Variants in ARSG observed in about 807,000 individuals in gnomAD.
ARSG encodes the protein ASG.
Under a neutral mutation model 50.5 loss-of-function variants are expected in ARSG, and 37 were observed. The observed-to-expected ratio is 0.73, with a 90% confidence interval of 0.56 to 0.96. The LOEUF is 0.96. ARSG is among the 50% of genes least tolerant of loss of function. The pLI is 0.00. For missense variants in ARSG, 629 were observed against 675.3 expected, an observed-to-expected ratio of 0.93 and a Z score of 0.76; for synonymous variants, 225 against 254.6, an observed-to-expected ratio of 0.88 and a Z score of 1.11.
rs1599485710 is a variant in ARSG at position 68,269,700 on chromosome 17, T to C, written c.-552+10274T>C. Among the ~76,000 whole-genome samples, 4 of 148,808 alleles carry C rather than the reference T, an allele frequency of 2.7e-5. 1 individual carries two copies. Among genetic ancestry groups the C allele is most frequent in the African/African-American group, 1.0e-4 (4 of 39,620 alleles). On this transcript the variant is annotated intron_variant, in intron 1 of 11. Transcript: ENST00000448504. ...TTTTTTTTTTTTTTTTTAGACAGAG[T>C]TTTATTCTTGTTGCCCCAGGTGGAG...
intron 2 of ARSG, among the ~76,000 whole-genome samples, chr17:68,316,406 C>G (rs950857004): frequency 7.9e-5 from 12 of 152,232 alleles, no homozygotes; most frequent in Non-Finnish European, 7.3e-5. Context: ...TGCCTCCTTA[C>G]AGCAGCCTCC....
the ARSG span, chr17:68,428,803 TGTCTTTTGAAAAGCA>T: frequency 8.1e-5 from 127 of 1,566,872 alleles, no homozygotes; most frequent in South Asian, 1.2e-3. Context: ...CTCGAAAGGC[TGTCTTTTGAAAAGCA>T]GTCTCTTCAC....
chr17:68,329,656 A>T (rs1212183699), intron 2 of ARSG, among the ~76,000 whole-genome samples: 1 of 152,194 alleles, frequency 6.6e-6, no homozygotes, highest in Non-Finnish European at 1.5e-5. Flanking sequence ...GCTGACTTCG[A>T]ATTTGCTTTG....
At chr17:68,290,739 G>A (rs1291549807), upstream of ARSG, among the ~76,000 whole-genome samples, 3 of 152,228 alleles carry the variant, frequency 2.0e-5, no homozygotes, top group Non-Finnish European at 4.4e-5. Context: ...GAGGGGCTGA[G>A]CCTGGAGCCC....
chr17:68,308,463 G>A (rs1486313332), intron 2 of ARSG, among the ~76,000 whole-genome samples: 5 of 152,076 alleles, frequency 3.3e-5, no homozygotes, highest in Non-Finnish European at 7.4e-5. Flanking sequence ...CGTTCCTCCC[G>A]GTGGGCTCGT....
chr17:68,392,060 T>G lies in ARSG; in HGVS notation c.1092-3013T>G, dbSNP rs145487315. ...CCCTCAGATATCAGATTGGGGAAAG[T>G]GGGGATTTGTGGCCCTGGAGGCTTC... On this transcript the variant is annotated intron_variant, in intron 9 of 11. Coordinates refer to ENST00000621439, the MANE Select transcript of ARSG (RefSeq NM_001267727.2). Among the ~76,000 whole-genome samples, 14 of 152,226 alleles carry G rather than the reference T, an allele frequency of 9.2e-5. No homozygotes were observed. The East Asian group carries it at 2.1e-3, about 23-fold the overall frequency.
chr17:68,395,445 G>A (rs149107335), intron 10 of ARSG, among the ~76,000 whole-genome samples: 363 of 152,324 alleles, frequency 2.4e-3, no homozygotes, highest in African/African-American at 8.3e-3. Context: ...AAAATTAGCT[G>A]AGCATGGTGG....
chr17:68,285,173 A>G (rs1448916018), intron 1 of ARSG, among the ~76,000 whole-genome samples: 2 of 152,248 alleles, frequency 1.3e-5, no homozygotes, highest in African/African-American at 4.8e-5. Context: ...ATTTCTGACA[A>G]GCAGTCAGGA....
At position 68,394,442 on chromosome 17, in the gene ARSG, A is replaced by AAAAT. The variant is rs577170024; in HGVS notation, c.1092-611_1092-608dup. Among the ~76,000 whole-genome samples, 495 of 152,166 alleles carry AAAAT rather than the reference A, an allele frequency of 3.3e-3. 1 individual carries two copies. The highest frequency in any genetic ancestry group is 6.8e-3 in the Middle Eastern group (2 of 294). On this transcript the variant is annotated intron_variant, in intron 9 of 11. Coordinates refer to ENST00000621439, the MANE Select transcript of ARSG (RefSeq NM_001267727.2). ...CATCGCAAGACCTTGTCTCTACAAA[A>AAAAT]AAATAAATAAATAAATAAATAAAAA... is the stretch of plus-strand genomic sequence containing the variant.
At chr17:68,445,344 A>G in the ARSG span, among the ~76,000 whole-genome samples, 2 of 152,152 alleles carry the variant, frequency 1.3e-5, no homozygotes, top group Admixed American at 6.5e-5. Context: ...TCTCCCTCCT[A>G]TATAAAAATG....
chr17:68,442,082 T>C, the ARSG span, among the ~76,000 whole-genome samples: 2 of 152,246 alleles, frequency 1.3e-5, no homozygotes, highest in African/African-American at 4.8e-5. Flanking sequence ...CTTTTAAACC[T>C]TATTTTCTCT....
In ARSG at chr17:68,319,276, C is replaced by G. The variant is rs1555769761; in HGVS notation, c.218+11565C>G. Among the ~76,000 whole-genome samples, 11 of 152,184 alleles carry G rather than the reference C, an allele frequency of 7.2e-5. 1 individual carries two copies. ...TGTCCTCTGACCTTCACCATTATCC[C>G]CTAGAGGCCAGCTTTGGGAGGTCCC... On this transcript the variant is annotated intron_variant, in intron 2 of 11. Coordinates refer to ENST00000621439, the MANE Select transcript of ARSG (RefSeq NM_001267727.2).
chr17:68,329,530 A>G (rs1394217200), intron 2 of ARSG, among the ~76,000 whole-genome samples: 1 of 152,158 alleles, frequency 6.6e-6, no homozygotes, highest in East Asian at 1.9e-4. Flanking sequence ...CCCAGGCCCC[A>G]CTGGCTGCCC....
chr17:68,415,871 C>A (rs1210100292), intron 11 of ARSG, among the ~76,000 whole-genome samples: 1 of 152,104 alleles, frequency 6.6e-6, no homozygotes, highest in Non-Finnish European at 1.5e-5. Flanking sequence ...CATGAAATAT[C>A]TTTTTCTACC....
At chr17:68,434,520 G>A in the ARSG span, 328 of 1,610,544 alleles carry the variant, frequency 2.0e-4, no homozygotes, top group Middle Eastern at 2.2e-3. Context: ...GGACTTCTGC[G>A]GGGACTTTAA....
intron 8 of ARSG, among the ~76,000 whole-genome samples, 176 bp from the exon 9 acceptor site, chr17:68,384,887 AG>A (rs2080624020): frequency 6.6e-6 from 1 of 152,262 alleles, no homozygotes; most frequent in African/African-American, 2.4e-5. Flanking sequence ...TAAAATAAAA[AG>A]CATATTTTGA....
chr17:68,437,489 G>T, the ARSG span, among the ~76,000 whole-genome samples: 2 of 152,066 alleles, frequency 1.3e-5, no homozygotes, highest in African/African-American at 2.4e-5. Context: ...TGGAGGTGGA[G>T]GCTGCAGTGA....
intron 5 of ARSG, among the ~76,000 whole-genome samples, chr17:68,354,272 T>C (rs1483755750): frequency 6.6e-6 from 1 of 151,304 alleles, no homozygotes; most frequent in Non-Finnish European, 1.5e-5. Flanking sequence ...AATACAAAAA[T>C]TAGCTGGGTG....
Position 68,312,509 on chromosome 17 carries a change from C to A in ARSG, c.218+4798C>A, listed in dbSNP as rs557678899. On this transcript the variant is annotated intron_variant, in intron 2 of 11. Transcript: ENST00000621439. ...TAAGCTGAGATTTGCGAGGCCTACA[C>A]GTTTTTTTTTTCTCATGTGCTGTCT... Among the ~76,000 whole-genome samples the A allele has an allele frequency of 9.2e-5, 14 of 152,078 alleles. No individual in the cohort carries two copies. In the South Asian group the frequency reaches 2.9e-3, roughly 31 times the overall value.
Sources: allele counts gnomAD v4.1 joint callset (sites outside exome capture counted in the v4.1 genomes callset), GRCh38; gene constraint gnomAD v4.1.1; transcripts MANE v1.5; gene names NCBI Gene and HGNC (gene_info 2026-07-23, HGNC 2026-07-21).